ITPK1: variants seen among roughly 807,000 people sequenced by gnomAD.
ITPK1 encodes inositol-tetrakisphosphate 1-kinase.
In ITPK1, 21 loss-of-function variants were observed where a neutral mutation model predicts 45.3. The observed-to-expected ratio is 0.46, with a 90% confidence interval of 0.33 to 0.67. The LOEUF is 0.67. Among genes scored for constraint, ITPK1 ranks in the 30% least tolerant of loss-of-function variants. The pLI, the probability that ITPK1 is intolerant of heterozygous loss-of-function variation, is 0.02. For missense variants in ITPK1, 474 were observed against 573.5 expected, an observed-to-expected ratio of 0.83 and a Z score of 1.77; for synonymous variants, 258 against 253.6, an observed-to-expected ratio of 1.02 and a Z score of -0.16.
At chr14:93,066,347 G>GGA (rs1285311757) in intron 3 of ITPK1, 2 of 437,088 alleles carry the variant, frequency 4.6e-6, no homozygotes, top group South Asian at 1.6e-5. Context: ...TGTGTAGGGG[G>GGA]CAGAGGCGTC....
chr14:93,060,625 G>T (rs1261791540), intron 3 of ITPK1, among the ~76,000 whole-genome samples: 1 of 152,180 alleles, frequency 6.6e-6, no homozygotes, highest in Non-Finnish European at 1.5e-5. Flanking sequence ...TGGTAGCCTT[G>T]GAAAATTCAG....
intron 5 of ITPK1, among the ~76,000 whole-genome samples, chr14:92,972,568 C>T (rs1195067108): frequency 6.6e-6 from 1 of 152,166 alleles, no homozygotes; most frequent in Non-Finnish European, 1.5e-5. Context: ...AATGAATATA[C>T]TTCCCAACTC....
rs1447641062 is a variant in ITPK1, at chr14:93,076,043, T to C, written c.120+552A>G. Among the ~76,000 whole-genome samples, 1 of 151,832 alleles carries C rather than the reference T, an allele frequency of 6.6e-6. No individual in the cohort carries two copies. The highest frequency in any genetic ancestry group is 2.4e-5 in the African/African-American group (1 of 41,324). On this transcript the variant is annotated intron_variant, in intron 3 of 10. Transcript: ENST00000267615. This position sits in a 1 kb window ranked among gnomAD's most constrained non-coding sequence, Gnocchi z 4.3. ...TTCCCCCTCCATCCATCCTTCCCTCTTCTCTCCATCCATCCTTCTATCCTT... is the reference window on the plus strand; with the variant it reads ...TTCCCCCTCCATCCATCCTTCCCTCCTCTCTCCATCCATCCTTCTATCCTT...
In ITPK1 at chr14:93,102,564, G is replaced by A. The variant is rs956179340; in HGVS notation, c.95+12505C>T. On this transcript the variant is annotated intron_variant, in intron 2 of 10. Coordinates refer to ENST00000267615, the MANE Select transcript of ITPK1 (RefSeq NM_014216.6). ...GAGGTGGAAGGATCACCTGAGGTCCGAGAATCACTTAAACCTGGGAGGTGG... is the reference window on the plus strand; with the variant it reads ...GAGGTGGAAGGATCACCTGAGGTCCAAGAATCACTTAAACCTGGGAGGTGG... 2.0e-5 allele frequency among the ~76,000 whole-genome samples: 3 copies of A among 152,114 alleles called. No homozygotes were observed. The East Asian group carries it at 5.8e-4, about 29-fold the overall frequency.
At chr14:93,031,474 C>A (rs1280897526) in intron 3 of ITPK1, among the ~76,000 whole-genome samples, 1 of 152,184 alleles carries the variant, frequency 6.6e-6, no homozygotes. Flanking sequence ...TTTTTATGGC[C>A]TCATGGAACA....
chr14:93,040,834 T>C (rs1471938699), intron 3 of ITPK1, among the ~76,000 whole-genome samples: 2 of 152,112 alleles, frequency 1.3e-5, no homozygotes, highest in Non-Finnish European at 2.9e-5. Context: ...GCAGGAGAAC[T>C]AGAAGCAAGG....
At chr14:93,105,773 G>A (rs1226412823) in intron 2 of ITPK1, among the ~76,000 whole-genome samples, 14 of 149,384 alleles carry the variant, frequency 9.4e-5, no homozygotes, top group South Asian at 2.1e-4. Flanking sequence ...GCGCGATCTC[G>A]GCTCACTGCA....
chr14:93,074,153 G>C (rs1411303671), intron 3 of ITPK1, among the ~76,000 whole-genome samples: 1 of 152,218 alleles, frequency 6.6e-6, no homozygotes, highest in Non-Finnish European at 1.5e-5. Flanking sequence ...GCCAGGAGGA[G>C]GTGAACAGAG....
At chr14:93,061,380 C>T (rs1332141685) in intron 3 of ITPK1, among the ~76,000 whole-genome samples, 2 of 152,206 alleles carry the variant, frequency 1.3e-5, no homozygotes, top group Admixed American at 6.5e-5. Flanking sequence ...CCAGAGCCCA[C>T]CACTCCTTCC....
chr14:92,950,089 A>G (rs952647525), intron 9 of ITPK1, among the ~76,000 whole-genome samples: 1 of 152,192 alleles, frequency 6.6e-6, no homozygotes, highest in Non-Finnish European at 1.5e-5. Context: ...CTTGGGCCGG[A>G]CCCCAGGCAG....
At chr14:92,963,545 C>G (rs369312161) in intron 5 of ITPK1, among the ~76,000 whole-genome samples, 2 of 152,212 alleles carry the variant, frequency 1.3e-5, no homozygotes, top group East Asian at 1.9e-4. Flanking sequence ...CTCACTGCAT[C>G]TCTGCTGCAT....
chr14:93,090,764 T>C (rs910595494), intron 2 of ITPK1, among the ~76,000 whole-genome samples: 2 of 152,130 alleles, frequency 1.3e-5, no homozygotes, highest in African/African-American at 4.8e-5. Context: ...CCAAGAAATG[T>C]ATTTTTTTTT....
intron 3 of ITPK1, among the ~76,000 whole-genome samples, chr14:93,043,143 GT>G (rs149518261): frequency 0.039 from 5,918 of 152,204 alleles, 220 homozygotes; most frequent in African/African-American, 0.1. Flanking sequence ...CTTGTCATTG[GT>G]TAAAAAAATA....
chr14:93,084,363 C>A (rs556746411), intron 2 of ITPK1, among the ~76,000 whole-genome samples: 1 of 152,208 alleles, frequency 6.6e-6, no homozygotes, highest in Non-Finnish European at 1.5e-5. Context: ...GAGGAAAGTG[C>A]TACTAGAATC....
At chr14:92,998,594 C>T (rs1227382251) in intron 4 of ITPK1, among the ~76,000 whole-genome samples, 3 of 152,208 alleles carry the variant, frequency 2.0e-5, no homozygotes, top group South Asian at 2.1e-4. Flanking sequence ...CAGCTGCTGA[C>T]GCATGAGGCT....
intron 8 of ITPK1, among the ~76,000 whole-genome samples, chr14:92,955,638 T>C (rs959805455): frequency 2.6e-5 from 4 of 152,228 alleles, no homozygotes; most frequent in African/African-American, 9.6e-5. Flanking sequence ...TGCCACTGGC[T>C]ATAAGGCACA....
At position 92,941,390 on chromosome 14, in the gene ITPK1, T is replaced by A. The variant is rs1887385140; in HGVS notation, c.*171A>T. The A allele has an allele frequency of 1.4e-6, 2 of 1,417,254 alleles. No individual in the cohort carries two copies. Among genetic ancestry groups the A allele is most frequent in the South Asian group, 1.5e-5 (1 of 64,712 alleles). 87.8% of individuals were successfully genotyped at this position (1,417,254 alleles called of 1,614,324 possible). A position where few individuals can be genotyped will look rare whatever the true frequency, so the allele number is the denominator to read the frequency against. ...GTGGACCACCTGGTACTCTCTTCCA[T>A]CCCCCACTACCCCTCATTTAGATCA... is the stretch of plus-strand genomic sequence containing the variant. On this transcript the variant is annotated 3_prime_UTR_variant, in exon 11 of 11. Coordinates refer to ENST00000267615, the MANE Select transcript of ITPK1 (RefSeq NM_014216.6).
chr14:93,114,456 C>G (rs1275998164), intron 2 of ITPK1, among the ~76,000 whole-genome samples: 1 of 152,204 alleles, frequency 6.6e-6, no homozygotes, highest in East Asian at 1.9e-4. Context: ...CCGATCGGTC[C>G]CCGTTCTCAG....
At chr14:92,951,800 T>C in intron 9 of ITPK1, 146 bp downstream of exon 9, 1 of 650,932 alleles carries the variant, frequency 1.5e-6, no homozygotes, top group African/African-American at 1.8e-5. Context: ...CTCTGGAACC[T>C]CCTGGGGCCT....
Sources: allele counts gnomAD v4.1 joint callset (sites outside exome capture counted in the v4.1 genomes callset), GRCh38; gene constraint gnomAD v4.1.1; non-coding constraint Gnocchi (gnomAD v3.1); transcripts MANE v1.5; gene names NCBI Gene and HGNC (gene_info 2026-07-23, HGNC 2026-07-21).